NPAS3: variants seen among roughly 807,000 people sequenced by gnomAD.
The protein encoded by NPAS3 is neuronal PAS domain-containing protein 3.
NPAS3 carries 14 observed loss-of-function variants against 73.1 expected under a neutral mutation model. The ratio of observed to expected loss-of-function variants is 0.19; its 90% confidence interval spans 0.13 to 0.30. The LOEUF (loss-of-function observed/expected upper bound fraction) is 0.30, where lower values mean the gene tolerates loss of function less well. Ranked by LOEUF, NPAS3 falls within the 10% of genes least tolerant of loss-of-function variation. The pLI is 1.00. For synonymous variants in NPAS3, 620 were observed against 541.5 expected (o/e 1.14, Z -2.01); for missense variants, 1,096 against 1,250.0 (o/e 0.88, Z 1.86).
At chr14:33,012,147 T>G (rs895913506) in intron 1 of NPAS3, among the ~76,000 whole-genome samples, 1 of 152,220 alleles carries the variant, frequency 6.6e-6, no homozygotes, top group African/African-American at 2.4e-5. Flanking sequence ...CACAGAACAA[T>G]TAAAAACAGC....
chr14:33,626,743 G>A (rs1454427392), intron 5 of NPAS3, among the ~76,000 whole-genome samples: 1 of 152,178 alleles, frequency 6.6e-6, no homozygotes. Context: ...TTATATTCCA[G>A]TGGAGGGAGA....
intron 4 of NPAS3, among the ~76,000 whole-genome samples, chr14:33,497,919 T>C (rs911337140): frequency 1.3e-5 from 2 of 152,016 alleles, no homozygotes; most frequent in African/African-American, 4.8e-5. Flanking sequence ...ACCTACAGAA[T>C]GGGAGAAAAT....
intron 2 of NPAS3, among the ~76,000 whole-genome samples, chr14:33,082,156 T>G (rs1452998023): frequency 1.3e-5 from 2 of 152,188 alleles, no homozygotes; most frequent in African/African-American, 2.4e-5. Context: ...TTGGAACATA[T>G]GCCTGACTGA....
At chr14:33,559,019 G>A (rs919685020) in intron 4 of NPAS3, among the ~76,000 whole-genome samples, 2 of 152,166 alleles carry the variant, frequency 1.3e-5, no homozygotes, top group Non-Finnish European at 1.5e-5. Context: ...TTTATTCTCA[G>A]TTTGAATGCT....
intron 2 of NPAS3, among the ~76,000 whole-genome samples, chr14:33,114,533 G>A (rs922336366): frequency 4.6e-5 from 7 of 152,112 alleles, no homozygotes; most frequent in African/African-American, 1.2e-4. Flanking sequence ...AACTTTGTGG[G>A]TTACTGAAAG....
At chr14:33,773,350 G>A (rs2062712702) in intron 7 of NPAS3, among the ~76,000 whole-genome samples, 1 of 152,164 alleles carries the variant, frequency 6.6e-6, no homozygotes, top group Non-Finnish European at 1.5e-5. Context: ...GGCTTTGGAG[G>A]ATTCCCCACA....
At chr14:33,550,969 C>T (rs1364710796) in intron 4 of NPAS3, among the ~76,000 whole-genome samples, 1 of 152,066 alleles carries the variant, frequency 6.6e-6, no homozygotes, top group Non-Finnish European at 1.5e-5. Context: ...TATTATCAGC[C>T]CATCATATTT....
intron 1 of NPAS3, among the ~76,000 whole-genome samples, chr14:32,995,469 A>G (rs749702829): frequency 1.8e-4 from 27 of 152,264 alleles, no homozygotes; most frequent in Middle Eastern, 3.4e-3. Context: ...ATTCCATGGG[A>G]TGGCCTCTTT....
At chr14:33,285,486 G>A (rs2041837790) in intron 3 of NPAS3, among the ~76,000 whole-genome samples, 1 of 152,112 alleles carries the variant, frequency 6.6e-6, no homozygotes, top group African/African-American at 2.4e-5. Context: ...ATGGCAGATG[G>A]GGCCAACAGT....
intron 4 of NPAS3, among the ~76,000 whole-genome samples, chr14:33,408,901 G>A (rs979286419): frequency 1.3e-5 from 2 of 152,180 alleles, no homozygotes; most frequent in Admixed American, 6.5e-5. Flanking sequence ...AGTGGAGTAT[G>A]TGGAATATAT....
At chr14:33,198,179 C>T (rs1363245298) in intron 2 of NPAS3, among the ~76,000 whole-genome samples, 6 of 152,128 alleles carry the variant, frequency 3.9e-5, no homozygotes, top group Non-Finnish European at 5.9e-5. Flanking sequence ...CAGTGCGGAC[C>T]CAAAGAGTGA....
At chr14:33,033,265 C>T (rs1024440276) in intron 1 of NPAS3, among the ~76,000 whole-genome samples, 8 of 151,960 alleles carry the variant, frequency 5.3e-5, no homozygotes, top group Admixed American at 1.3e-4. Context: ...GATCACTTGA[C>T]GTCAGGAGTT....
At chr14:32,943,380 T>TTGATCTTCCCCTGTAATTCTTCTACCCAA (rs2036110423) in intron 1 of NPAS3, among the ~76,000 whole-genome samples, 2 of 152,176 alleles carry the variant, frequency 1.3e-5, no homozygotes, top group Non-Finnish European at 2.9e-5. Flanking sequence ...CATATGAATT[T>TTGATCTTCCCCTGTAATTCTTCTACCCAA]TGATCTTCCC....
At chr14:33,199,046 C>G (rs1353160098) in intron 2 of NPAS3, among the ~76,000 whole-genome samples, 1 of 152,206 alleles carries the variant, frequency 6.6e-6, no homozygotes, top group African/African-American at 2.4e-5. Context: ...GTGGGGCCCG[C>G]CGAGCCCACG....
rs191121407 is a variant in NPAS3, at chr14:33,053,867, T to C, written c.51-2038T>C. On this transcript the variant is annotated intron_variant, in intron 1 of 11. Transcript: ENST00000356141. ...CAAAATTATTGAGAGCCAGGTAACA[T>C]TGACTATTCTTTAACTGCTTCAAAT... Among the ~76,000 whole-genome samples the C allele has an allele frequency of 3.7e-3, 563 of 152,310 alleles. 4 individuals are homozygous for C. The highest frequency in any genetic ancestry group is 3.2e-3 in the Non-Finnish European group (219 of 68,018).
intron 4 of NPAS3, among the ~76,000 whole-genome samples, chr14:33,400,252 C>G (rs1041691147): frequency 2.0e-5 from 3 of 151,954 alleles, no homozygotes; most frequent in Admixed American, 2.0e-4. Flanking sequence ...AGAGAAATAC[C>G]CACATCTATG....
At chr14:33,418,977 G>C (rs1211826456) in intron 4 of NPAS3, among the ~76,000 whole-genome samples, 1 of 151,848 alleles carries the variant, frequency 6.6e-6, no homozygotes, top group African/African-American at 2.4e-5. Context: ...CACCCACAAG[G>C]TACTTACAGT....
chr14:33,334,361 A>G (rs2044120543), intron 3 of NPAS3, among the ~76,000 whole-genome samples: 1 of 152,156 alleles, frequency 6.6e-6, no homozygotes, highest in Non-Finnish European at 1.5e-5. Flanking sequence ...AAGTTCCTTC[A>G]TGCCTACCTG....
At chr14:33,145,238 T>C (rs2044196335) in intron 2 of NPAS3, among the ~76,000 whole-genome samples, 1 of 152,182 alleles carries the variant, frequency 6.6e-6, no homozygotes, top group South Asian at 2.1e-4. Flanking sequence ...AATTTTTCTT[T>C]TGGCATTTAG....
Sources: allele counts gnomAD v4.1 joint callset (sites outside exome capture counted in the v4.1 genomes callset), GRCh38; gene constraint gnomAD v4.1.1; transcripts MANE v1.5; gene names NCBI Gene and HGNC (gene_info 2026-07-23, HGNC 2026-07-21).